TUB: variants seen among roughly 807,000 people sequenced by gnomAD.
TUB encodes the protein TUB bipartite transcription factor.
In TUB, 33 loss-of-function variants were observed where a neutral mutation model predicts 59.7. The observed-to-expected ratio is 0.55, with a 90% CI of 0.42 to 0.74. TUB has a LOEUF of 0.74. Ranked by LOEUF, TUB falls within the 30% of genes least tolerant of loss-of-function variation. The probability of loss-of-function intolerance (pLI) is 0.00; values close to 1 mark genes in which losing one functional copy is unlikely to be tolerated. For missense variants in TUB, 659 were observed against 672.0 expected (o/e 0.98, Z 0.21); for synonymous variants, 293 against 256.4 (o/e 1.14, Z -1.36).
intron 1 of TUB, among the ~76,000 whole-genome samples, chr11:8,085,582 C>G (rs2133823352): frequency 6.6e-6 from 1 of 152,342 alleles, no homozygotes; most frequent in East Asian, 1.9e-4. Flanking sequence ...CCTTTCCTCT[C>G]CTGACAGCCC....
intron 1 of TUB, among the ~76,000 whole-genome samples, chr11:8,028,475 A>T (rs547518852): frequency 1.3e-5 from 2 of 152,282 alleles, no homozygotes; most frequent in South Asian, 4.1e-4. Flanking sequence ...GGTTATGCTT[A>T]TAGTGTCATA....
At chr11:8,051,504 A>G (rs1042943161) in intron 2 of TUB, among the ~76,000 whole-genome samples, 1 of 152,248 alleles carries the variant, frequency 6.6e-6, no homozygotes, top group African/African-American at 2.4e-5. Context: ...CTTCAGAGAA[A>G]TGAAATTAAT....
At chr11:8,086,165 C>T (rs1176052032) in intron 1 of TUB, among the ~76,000 whole-genome samples, 2 of 152,332 alleles carry the variant, frequency 1.3e-5, no homozygotes, top group Admixed American at 6.5e-5. Flanking sequence ...AGTCTCCTGG[C>T]GGGGCTGCAG....
intron 10 of TUB, 110 bp from the exon 11 acceptor site, chr11:8,100,716 C>T (rs1944248904): frequency 3.2e-6 from 5 of 1,551,034 alleles, no homozygotes; most frequent in Middle Eastern, 1.7e-4. Flanking sequence ...GTGAGAAAGC[C>T]CTGGAGGTCT....
chr11:8,030,152 G>A (rs1356142868), intron 1 of TUB, among the ~76,000 whole-genome samples: 6 of 152,112 alleles, frequency 3.9e-5, no homozygotes, highest in Admixed American at 3.9e-4. Context: ...GGACTTGCCC[G>A]CGCTGAAGTT....
At chr11:8,038,660 GTT>G in exon 1 of TUB, 1 of 1,364,892 alleles carries the variant, frequency 7.3e-7, no homozygotes, top group East Asian at 2.9e-5. Flanking sequence ...GTCCTGAAGG[GTT>G]TGGGGGGAGA....
intron 9 of TUB, 59 bp from the exon 10 acceptor site, chr11:8,100,444 A>G (rs1023014190): frequency 1.7e-4 from 238 of 1,371,102 alleles, no homozygotes; most frequent in Middle Eastern, 7.7e-4. Flanking sequence ...CGTCCCCCCC[A>G]CCTTCTCCAG....
At chr11:8,078,136 G>A (rs1564912378), upstream of TUB, among the ~76,000 whole-genome samples, 1 of 152,184 alleles carries the variant, frequency 6.6e-6, no homozygotes, top group Middle Eastern at 3.4e-3. Flanking sequence ...GCTTGGGAGA[G>A]GGGGTGGCCC....
intron 1 of TUB, among the ~76,000 whole-genome samples, chr11:8,021,189 G>A (rs547182936): frequency 1.3e-5 from 2 of 152,204 alleles, no homozygotes; most frequent in African/African-American, 4.8e-5. Context: ...TAGGCCTGGC[G>A]CAGTGGCTCA....
rs181810776 is a variant in TUB, at chr11:8,058,961, G to A, written c.203+19269G>A. Among the ~76,000 whole-genome samples, 169 of 152,250 alleles carry A rather than the reference G, an allele frequency of 1.1e-3. 2 individuals carry two copies. The highest frequency in any genetic ancestry group is 2.1e-4 in the South Asian group (1 of 4,828). ...TTTATAATAAACTTATTGAGTCTAC[G>A]CATGCAGACATTTTCTGGAGAGCTT... On this transcript the variant is annotated intron_variant, in intron 2 of 12. Transcript: ENST00000305253.
intron 3 of TUB, 71 bp downstream of exon 3, chr11:8,090,302 A>G: frequency 6.4e-7 from 1 of 1,571,656 alleles, no homozygotes; most frequent in South Asian, 1.2e-5. Context: ...CCACCTAGGC[A>G]GGTGCGGACT....
At position 8,105,310 on chromosome 11, in the gene TUB, T is replaced by A. The variant is rs535335635; in HGVS notation, c.*3691T>A. On this transcript the variant is annotated 3_prime_UTR_variant, in exon 12 of 12. Coordinates refer to ENST00000299506, the MANE Select transcript of TUB (RefSeq NM_177972.3). Reference sequence around the variant, plus strand: ...GCTTTCACTGTGACTGGGACCTGAATGACCTGCAGTCAGGGCCCAGAGTTG... The same window carrying A: ...GCTTTCACTGTGACTGGGACCTGAAAGACCTGCAGTCAGGGCCCAGAGTTG... 8 of 152,318 alleles carry A rather than the reference T, an allele frequency of 5.3e-5. No homozygotes were observed. Among genetic ancestry groups the A allele is most frequent in the African/African-American group, 1.9e-4 (8 of 41,560 alleles). 9.4% of individuals were successfully genotyped at this position (152,318 alleles called of 1,614,324 possible).
At chr11:8,080,194 T>C (rs1489258136), upstream of TUB, among the ~76,000 whole-genome samples, 1 of 152,184 alleles carries the variant, frequency 6.6e-6, no homozygotes, top group East Asian at 1.9e-4. Context: ...AACACTCTTC[T>C]GGCGCGGTTG....
intron 2 of TUB, among the ~76,000 whole-genome samples, chr11:8,073,236 A>G (rs1417069639): frequency 6.6e-6 from 1 of 152,218 alleles, no homozygotes; most frequent in African/African-American, 2.4e-5. Flanking sequence ...GTGGCTCTAG[A>G]GTCTGATATT....
chr11:8,097,476 T>C lies in TUB; in HGVS notation c.885+51T>C, dbSNP rs1232079209. ...ATCTAGGCTTTACAGCCCTTTGAAA[T>C]CCTAGGGGCTGAAATGTGACTGGAA... On this transcript the variant is annotated intron_variant, in intron 7 of 11. Transcript: ENST00000299506. 2.5e-6 allele frequency: 4 copies of C among 1,610,378 alleles called. No individual in the cohort carries two copies. In the African/African-American group the frequency reaches 5.3e-5, roughly 22 times the overall value.
At chr11:8,054,276 A>T (rs56242213) in intron 2 of TUB, among the ~76,000 whole-genome samples, 24,642 of 152,080 alleles carry the variant, frequency 0.16, 2,216 homozygotes, top group African/African-American at 0.22. Context: ...TTTTCTAGAA[A>T]GTTCATTGTG....
intron 2 of TUB, chr11:8,067,607 C>T (rs1943270690): frequency 6.6e-6 from 1 of 152,178 alleles, no homozygotes; most frequent in Admixed American, 6.5e-5. Flanking sequence ...TGTTTTCTTC[C>T]AGGCACTGTA....
intron 4 of TUB, among the ~76,000 whole-genome samples, chr11:8,094,729 T>C (rs1943908694): frequency 6.6e-6 from 1 of 152,218 alleles, no homozygotes; most frequent in South Asian, 2.1e-4. Context: ...GGACAGTGAT[T>C]GGCGGTACCT....
intron 2 of TUB, among the ~76,000 whole-genome samples, chr11:8,071,718 A>G (rs927845800): frequency 1.3e-5 from 2 of 152,198 alleles, no homozygotes; most frequent in Admixed American, 6.5e-5. Flanking sequence ...ATGGGGAGCC[A>G]CAGCATGACA....
Sources: gnomAD v4.1 joint callset for allele counts (sites outside exome capture counted in the v4.1 genomes callset) on GRCh38, gnomAD v4.1.1 for gene constraint, MANE v1.5 for transcripts, NCBI Gene and HGNC (gene_info 2026-07-23, HGNC 2026-07-21) for gene names.